Variants in NUP155 observed in about 807,000 individuals in gnomAD.
NUP155 encodes the protein nucleoporin 155.
Under a neutral mutation model 180.4 loss-of-function variants are expected in NUP155, and 71 were observed. The observed-to-expected ratio is 0.39, with a 90% CI of 0.33 to 0.48. The LOEUF (loss-of-function observed/expected upper bound fraction) is 0.48. NUP155 is among the 20% of genes least tolerant of loss of function. The pLI is 0.91. For missense variants in NUP155, 1,553 were observed against 1,648.9 expected (o/e 0.94, Z 1.01); for synonymous variants, 582 against 559.5 (o/e 1.04, Z -0.57).
At chr5:37,367,973 G>A (rs1195619617) in intron 1 of NUP155, among the ~76,000 whole-genome samples, 2 of 151,976 alleles carry the variant, frequency 1.3e-5, no homozygotes, top group Non-Finnish European at 2.9e-5. Context: ...TAGTAGAGAC[G>A]GGGTTTTACC....
At chr5:37,307,539 C>T in intron 24 of NUP155, 107 bp from the exon 25 acceptor site, 3 of 1,025,090 alleles carry the variant, frequency 2.9e-6, no homozygotes, top group South Asian at 2.6e-5. Flanking sequence ...CTCTACTGTA[C>T]AATAGTCACC....
chr5:37,365,417 T>C (rs1375828917), intron 1 of NUP155, among the ~76,000 whole-genome samples: 1 of 149,654 alleles, frequency 6.7e-6, no homozygotes, highest in Non-Finnish European at 1.5e-5. Context: ...ACCACATAAA[T>C]ATATACACCG....
chr5:37,312,545 C>A (rs936043480), intron 22 of NUP155, among the ~76,000 whole-genome samples: 8 of 152,094 alleles, frequency 5.3e-5, no homozygotes, highest in African/African-American at 1.9e-4. Flanking sequence ...CTGTTTAGAT[C>A]CTGATTTGAA....
chr5:37,294,376 G>C lies in NUP155; in HGVS notation c.3883C>G (p.Pro1295Ala), dbSNP rs1233042061. ...TAAACTTCTAGTAGTCTAGGTAATG[G>C]TACTCCAATTTCATTCATTGTCTGT... is the stretch of plus-strand genomic sequence containing the variant. ...VIQTMNEIGV[P>A]LPRLLEVYDQ... The change falls in exon 33 of 35, where the codon CCA (proline) becomes GCA (alanine). Residue 1295 changes from proline (P) to alanine (A), a missense_variant. Coordinates refer to ENST00000231498, the MANE Select transcript of NUP155 (RefSeq NM_153485.3). 4.4e-6 allele frequency: 7 copies of C among 1,604,860 alleles called. No individual in the cohort carries two copies. The highest frequency in any genetic ancestry group is 6.0e-6 in the Non-Finnish European group (7 of 1,172,012).
chr5:37,324,737 G>C (rs1330437702), intron 19 of NUP155, among the ~76,000 whole-genome samples: 2 of 152,090 alleles, frequency 1.3e-5, no homozygotes, highest in Admixed American at 6.6e-5. Flanking sequence ...TTATTTTATA[G>C]AAAAGGCATC....
intron 12 of NUP155, among the ~76,000 whole-genome samples, chr5:37,336,142 A>G (rs1298562489): frequency 6.6e-6 from 1 of 152,112 alleles, no homozygotes; most frequent in Non-Finnish European, 1.5e-5. Flanking sequence ...TTTGAGAAAA[A>G]CTCAAATATT....
intron 23 of NUP155, among the ~76,000 whole-genome samples, chr5:37,310,267 T>C (rs1561774563): frequency 6.6e-6 from 1 of 152,060 alleles, no homozygotes; most frequent in Admixed American, 6.6e-5. Flanking sequence ...TAGAAGCTGC[T>C]GTGAGCTATG....
chr5:37,326,059 A>C, intron 18 of NUP155, 92 bp from the exon 19 acceptor site: 1 of 920,696 alleles, frequency 1.1e-6, no homozygotes, highest in Non-Finnish European at 1.8e-6. Context: ...GGCTTTATTC[A>C]GTTTTTAAAA....
At position 37,324,084 on chromosome 5, in the gene NUP155, T is replaced by C. The variant is rs754011863; in HGVS notation, c.2115A>G (p.Gln705=). The change falls in exon 20 of 35, where the codon CAA becomes CAG. Residue 705 remains glutamine, a synonymous_variant. Coordinates refer to ENST00000231498, the MANE Select transcript of NUP155 (RefSeq NM_153485.3). ...GTTCTTGTAGCACTGACTCTAGCAG[T>C]TGGCAGGGAACACTACTTTCAATCT... ...ITAIESSVPC[Q]LLESVLQELK... is the part of the protein sequence containing the mutation. 3.1e-6 allele frequency: 5 copies of C among 1,613,466 alleles called. No homozygotes were observed. The highest frequency in any genetic ancestry group is 4.2e-6 in the Non-Finnish European group (5 of 1,179,450).
At chr5:37,313,865 G>C (rs758584927) in intron 22 of NUP155, among the ~76,000 whole-genome samples, 1 of 152,126 alleles carries the variant, frequency 6.6e-6, no homozygotes, top group Non-Finnish European at 1.5e-5. Flanking sequence ...GTGTGTCCAT[G>C]TCGATATGCA....
chr5:37,319,248 G>A (rs1414975942), intron 20 of NUP155, among the ~76,000 whole-genome samples: 2 of 152,194 alleles, frequency 1.3e-5, no homozygotes, highest in African/African-American at 4.8e-5. Context: ...TAATGGAAGT[G>A]TGCTAAAACT....
At chr5:37,360,274 G>A (rs2111684353) in intron 3 of NUP155, among the ~76,000 whole-genome samples, 1 of 151,902 alleles carries the variant, frequency 6.6e-6, no homozygotes, top group Admixed American at 6.6e-5. Flanking sequence ...ACGAGGTCAG[G>A]AGATCGAGAC....
At position 37,293,084 on chromosome 5, in the gene NUP155, T is replaced by C. The variant is rs552578713; in HGVS notation, c.3931-99A>G. On this transcript the variant is annotated intron_variant, in intron 33 of 34. Coordinates refer to ENST00000231498, the MANE Select transcript of NUP155 (RefSeq NM_153485.3). ...TAGACATCAGGATCCATGCAAAACT[T>C]ATCGCTATTAAAAAGCATTTAATAT... is the stretch of plus-strand genomic sequence containing the variant. 8.6e-5 allele frequency: 69 copies of C among 806,264 alleles called. No individual in the cohort carries two copies. The African/African-American group carries it at 1.1e-3, about 13-fold the overall frequency. The allele number at this position is 806,264 out of a possible 1,614,324, so 49.9% of individuals were successfully genotyped here.
At position 37,331,747 on chromosome 5, in the gene NUP155, G is replaced by A; in HGVS notation, c.1567C>T (p.Leu523=). 1 of 1,611,908 alleles carries A rather than the reference G, an allele frequency of 6.2e-7. No homozygotes were observed. Among genetic ancestry groups the A allele is most frequent in the Non-Finnish European group, 8.5e-7 (1 of 1,179,124 alleles). The change falls in exon 14 of 35, where the codon CTA becomes TTA. Residue 523 remains leucine (L), a synonymous_variant. Transcript: ENST00000231498. ...TCTCCTCCCACATTACTCACAAGTA[G>A]ATGCCTCAGTTGATCTACAGGTCTA... is the stretch of plus-strand genomic sequence containing the variant. ...KLRPVDQLRH[L]LVSNVGGDGE... is the part of the protein sequence containing the mutation.
intron 32 of NUP155, among the ~76,000 whole-genome samples, chr5:37,294,914 A>G (rs1742440243): frequency 1.3e-5 from 2 of 152,212 alleles, no homozygotes; most frequent in Admixed American, 6.5e-5. Flanking sequence ...CCTAAAATTA[A>G]AATTACAGAA....
intron 32 of NUP155, among the ~76,000 whole-genome samples, chr5:37,295,421 C>T (rs955424301): frequency 3.3e-5 from 5 of 152,236 alleles, no homozygotes; most frequent in Non-Finnish European, 5.9e-5. Flanking sequence ...CAGCAGCCTG[C>T]CTTGGCCTCC....
chr5:37,327,492 A>G (rs1439273830), intron 18 of NUP155, 137 bp downstream of exon 18: 17 of 835,306 alleles, frequency 2.0e-5, no homozygotes, highest in Non-Finnish European at 3.1e-5. Flanking sequence ...ATAATAGAAA[A>G]GTTTTATTGA....
chr5:37,352,658 C>G, intron 5 of NUP155, 79 bp downstream of exon 5: 3 of 875,584 alleles, frequency 3.4e-6, no homozygotes, highest in Non-Finnish European at 5.7e-6. Context: ...AACATTTCAC[C>G]CAGATTAGCT....
rs1425091884 is a variant in NUP155 at position 37,331,678 on chromosome 5, T to G, written c.1629+7A>C. 1 of 1,481,056 alleles carries G rather than the reference T, an allele frequency of 6.8e-7. No homozygotes were observed. The highest frequency in any genetic ancestry group is 1.4e-5 in the African/African-American group (1 of 72,536). The allele number at this position is 1,481,056 out of a possible 1,614,324, so 91.7% of individuals were successfully genotyped here. On this transcript the variant is annotated splice_region_variant and intron_variant, in intron 14 of 34. Transcript: ENST00000231498. ...GCATCACATTTTTTAAAAGTATATATAATTACCTGATGTAATTTAAAGAAT... is the reference window on the plus strand; with the variant it reads ...GCATCACATTTTTTAAAAGTATATAGAATTACCTGATGTAATTTAAAGAAT...
Sources: gnomAD v4.1 joint callset for allele counts (sites outside exome capture counted in the v4.1 genomes callset) on GRCh38, gnomAD v4.1.1 for gene constraint, MANE v1.5 for transcripts, NCBI Gene and HGNC (gene_info 2026-07-23, HGNC 2026-07-21) for gene names.